TRIP4: variants seen among roughly 807,000 people sequenced by gnomAD.
TRIP4 encodes thyroid hormone receptor interactor 4.
TRIP4 carries 54 observed loss-of-function variants against 81.8 expected under a neutral mutation model. That is an observed-to-expected ratio of 0.66 (90% CI 0.53 to 0.83). The LOEUF is 0.83. Among genes scored for constraint, TRIP4 ranks in the 40% least tolerant of loss-of-function variants. TRIP4 has a pLI of 0.00. For missense variants in TRIP4, 662 were observed against 683.6 expected (o/e 0.97, Z 0.35); for synonymous variants, 270 against 242.8 (o/e 1.11, Z -1.04).
chr15:64,432,107 G>A (rs1399798410), intron 11 of TRIP4, among the ~76,000 whole-genome samples: 1 of 150,698 alleles, frequency 6.6e-6, no homozygotes, highest in Admixed American at 6.6e-5. Flanking sequence ...GGCTAGTCTT[G>A]AACTCTTGAC....
chr15:64,391,960 G>C (rs1900144682), intron 1 of TRIP4, among the ~76,000 whole-genome samples: 1 of 95,942 alleles, frequency 1.0e-5, no homozygotes, highest in Non-Finnish European at 1.9e-5. Context: ...GACAGAGTGA[G>C]ACTCTGTCTC....
At chr15:64,408,649 G>C (rs1243828079) in intron 6 of TRIP4, among the ~76,000 whole-genome samples, 1 of 152,038 alleles carries the variant, frequency 6.6e-6, no homozygotes, top group Non-Finnish European at 1.5e-5. Context: ...GTCTATTTAT[G>C]TCACTATTTG....
intron 4 of TRIP4, among the ~76,000 whole-genome samples, chr15:64,400,061 A>G (rs994650511): frequency 6.6e-6 from 1 of 151,716 alleles, no homozygotes; most frequent in Non-Finnish European, 1.5e-5. Flanking sequence ...GATAAAACAT[A>G]TGTGACTTTA....
At chr15:64,435,386 C>T (rs1247398752) in intron 11 of TRIP4, among the ~76,000 whole-genome samples, 14 of 150,874 alleles carry the variant, frequency 9.3e-5, no homozygotes, top group Non-Finnish European at 1.5e-4. Context: ...ATCTGCCGGG[C>T]GTGGTGGCAT....
intron 11 of TRIP4, among the ~76,000 whole-genome samples, chr15:64,427,677 A>ATT (rs1338057853): frequency 6.6e-6 from 1 of 152,050 alleles, no homozygotes; most frequent in East Asian, 1.9e-4. Context: ...TGGCCAGCCT[A>ATT]CTGACTGATT....
chr15:64,398,314 T>G (rs960463915), intron 4 of TRIP4, among the ~76,000 whole-genome samples: 2 of 143,430 alleles, frequency 1.4e-5, no homozygotes, highest in Admixed American at 7.5e-5. Flanking sequence ...ACGCCTGTAG[T>G]CCCAACACTT....
rs756592971 is a variant in TRIP4 at position 64,387,881 on chromosome 15, G to A, written c.18G>A (p.Ala6=). Residue 6 remains alanine, a synonymous_variant, in exon 1 of 13, where the codon GCG becomes GCA. Coordinates refer to ENST00000261884, the MANE Select transcript of TRIP4 (RefSeq NM_016213.5). Reference sequence around the variant, plus strand: ...TGGGGAAGATGGCGGTGGCTGGGGCGGTGTCCGGGGAGCCGCTGGTGCACT... The same window carrying A: ...TGGGGAAGATGGCGGTGGCTGGGGCAGTGTCCGGGGAGCCGCTGGTGCACT... MAVAG[A]VSGEPLVHWC... is the part of the protein sequence containing the mutation. The A allele has an allele frequency of 1.3e-6, 2 of 1,547,786 alleles. No homozygotes were observed. Among genetic ancestry groups the A allele is most frequent in the Non-Finnish European group, 1.7e-6 (2 of 1,146,854 alleles).
intron 11 of TRIP4, among the ~76,000 whole-genome samples, chr15:64,438,161 G>T (rs74019251): frequency 6.6e-6 from 1 of 152,308 alleles, no homozygotes; most frequent in African/African-American, 2.4e-5. Context: ...AGATCTCTCA[G>T]AGCACTGCCT....
At position 64,455,063 on chromosome 15, in the gene TRIP4, G is replaced by A; in HGVS notation, c.1745G>A (p.Ter582=). The change falls in exon 13 of 13, where the codon TGA becomes TAA. Residue 582 remains the stop codon, a stop_retained_variant. Coordinates refer to ENST00000261884, the MANE Select transcript of TRIP4 (RefSeq NM_016213.5). The part of the protein sequence containing the change: ...KGLMKQNKAV[*] ...TTAATGAAGCAGAATAAAGCTGTCT[G>A]ACCCAGGAGAAAAGGAACTATACAG... 6.2e-7 allele frequency: 1 copy of A among 1,614,012 alleles called. No homozygotes were observed. Among genetic ancestry groups the A allele is most frequent in the Admixed American group, 1.7e-5 (1 of 60,012 alleles).
At chr15:64,414,633 C>T (rs1055995212) in intron 8 of TRIP4, among the ~76,000 whole-genome samples, 4 of 145,108 alleles carry the variant, frequency 2.8e-5, no homozygotes, top group African/African-American at 1.0e-4. Flanking sequence ...TCTCCTGCTT[C>T]AGCCTCCTGA....
chr15:64,426,202 G>C (rs1260174333), intron 11 of TRIP4, among the ~76,000 whole-genome samples: 2 of 152,186 alleles, frequency 1.3e-5, no homozygotes, highest in South Asian at 4.2e-4. Context: ...ATTTTGATTG[G>C]GGGGTGGGAA....
chr15:64,408,163 G>GTT (rs10641751), intron 6 of TRIP4, among the ~76,000 whole-genome samples: 98,668 of 132,568 alleles, frequency 0.74, 39,647 homozygotes, highest in East Asian at 0.96. Context: ...CTTTATTTTT[G>GTT]TTTTTTTTTT....
At chr15:64,431,547 CA>C (rs922979882) in intron 11 of TRIP4, among the ~76,000 whole-genome samples, 12 of 150,068 alleles carry the variant, frequency 8.0e-5, no homozygotes, top group Admixed American at 5.3e-4. Context: ...ACTAAAAATA[CA>C]AAAAAAAATT....
chr15:64,395,629 C>T, intron 3 of TRIP4, 98 bp downstream of exon 3: 1 of 1,307,848 alleles, frequency 7.6e-7, no homozygotes, highest in Non-Finnish European at 1.0e-6. Context: ...TCTAGAATGG[C>T]AATTTTTCAA....
chr15:64,395,374 A>T (rs1360015350), intron 2 of TRIP4, 24 bp from the exon 3 acceptor site: 3 of 1,194,570 alleles, frequency 2.5e-6, no homozygotes, highest in Admixed American at 2.2e-5. Context: ...GTGTGTGTGT[A>T]TTTTTTTTTT....
intron 11 of TRIP4, among the ~76,000 whole-genome samples, chr15:64,426,985 G>A (rs1480772679): frequency 1.3e-5 from 2 of 152,016 alleles, no homozygotes; most frequent in Admixed American, 6.6e-5. Flanking sequence ...GGGCAACAGA[G>A]CAAGGCTCTG....
chr15:64,411,743 G>A (rs550924019), intron 7 of TRIP4, among the ~76,000 whole-genome samples: 2 of 151,110 alleles, frequency 1.3e-5, no homozygotes, highest in South Asian at 2.1e-4. Context: ...GCAGTGGCGC[G>A]ATCTTGGCTC....
At chr15:64,388,461 C>A (rs1900018384) in intron 1 of TRIP4, among the ~76,000 whole-genome samples, 1 of 152,152 alleles carries the variant, frequency 6.6e-6, no homozygotes, top group South Asian at 2.1e-4. Flanking sequence ...CACGCACCAC[C>A]ACACCCGGCT....
rs148524407 is a variant in TRIP4 at position 64,397,939 on chromosome 15, C to T, written c.618+121C>T. On this transcript the variant is annotated intron_variant, in intron 4 of 12. Coordinates refer to ENST00000261884, the MANE Select transcript of TRIP4 (RefSeq NM_016213.5). ...TGGTTGAGACGGAGTCTCACTTTGT[C>T]GCCCAGGCTGGAGTGCAGTGGCACG... 3.5e-4 allele frequency: 394 copies of T among 1,138,064 alleles called. 10 individuals carry two copies. In the African/African-American group the frequency reaches 5.5e-3, roughly 16 times the overall value. The allele number at this position is 1,138,064 out of a possible 1,614,324, so 70.5% of individuals were successfully genotyped here.
Sources: allele counts gnomAD v4.1 joint callset (sites outside exome capture counted in the v4.1 genomes callset), GRCh38; gene constraint gnomAD v4.1.1; transcripts MANE v1.5; gene names NCBI Gene and HGNC (gene_info 2026-07-23, HGNC 2026-07-21).